The following DNAH8 variants were observed in gnomAD, a reference collection of about 807,000 sequenced individuals.
DNAH8 encodes the protein dynein axonemal heavy chain 8, also known as axonemal beta dynein heavy chain 8.
In DNAH8, 382 loss-of-function variants were observed where a neutral mutation model predicts 562.1. That is an observed-to-expected ratio of 0.68 (90% CI 0.63 to 0.74). DNAH8 has a LOEUF of 0.74. Ranked by LOEUF, DNAH8 falls within the 30% of genes least tolerant of loss-of-function variation. DNAH8 has a pLI of 0.00. For synonymous variants in DNAH8, 1,881 were observed against 1,919.4 expected (o/e 0.98, Z 0.52); for missense variants, 5,203 against 5,620.4 (o/e 0.93, Z 2.37).
Position 38,938,077 on chromosome 6 carries a change from C to G in DNAH8, c.11667C>G (p.Ile3889Met). The stretch of plus-strand genomic sequence containing the variant: ...TGCATGTGGCTGCAGAAACTGAGAT[C>G]AAGATCAACGCGGCTCAGGAGGAGT... ...EKLHVAAETE[I>M]KINAAQEEFR... The change falls in exon 78 of 93, where the codon ATC becomes ATG. Residue 3889 changes from isoleucine (I) to methionine (M), a missense_variant. This residue lies in a region of DNAH8 where 1,399 missense variants were observed against 1,518.4 expected (regional missense o/e 0.92). Coordinates refer to ENST00000327475, the MANE Select transcript of DNAH8 (RefSeq NM_001206927.2). The G allele has an allele frequency of 6.2e-7, 1 of 1,614,018 alleles. No homozygotes were observed. The highest frequency in any genetic ancestry group is 8.5e-7 in the Non-Finnish European group (1 of 1,180,012).
At chr6:38,940,077 C>T (rs977284924) in intron 79 of DNAH8, among the ~76,000 whole-genome samples, 2 of 152,084 alleles carry the variant, frequency 1.3e-5, no homozygotes, top group Non-Finnish European at 2.9e-5. Context: ...TGGGAAGAAA[C>T]AGGGAGTTGT....
intron 88 of DNAH8, among the ~76,000 whole-genome samples, chr6:38,994,220 G>A (rs776784007): frequency 4.6e-5 from 7 of 152,032 alleles, no homozygotes; most frequent in Non-Finnish European, 1.0e-4. Context: ...CCTTTCCAAT[G>A]GAGTTTTTAT....
intron 8 of DNAH8, among the ~76,000 whole-genome samples, chr6:38,742,450 C>T (rs1171582436): frequency 6.6e-6 from 1 of 151,798 alleles, no homozygotes; most frequent in Non-Finnish European, 1.5e-5. Flanking sequence ...AGGCATGCCC[C>T]ACCACCACGC....
At chr6:39,015,623 C>A (rs1297849291) in intron 91 of DNAH8, among the ~76,000 whole-genome samples, 1 of 152,200 alleles carries the variant, frequency 6.6e-6, no homozygotes, top group Non-Finnish European at 1.5e-5. Flanking sequence ...GAGGCATCCC[C>A]AGCCATGCAG....
intron 1 of DNAH8, among the ~76,000 whole-genome samples, chr6:38,715,954 A>ATTTTTTTTTTTTT (rs1410399802): frequency 8.0e-5 from 3 of 37,522 alleles, no homozygotes; most frequent in African/African-American, 3.4e-4. Context: ...ATATATATAT[A>ATTTTTTTTTTTTT]TATATATTTT....
Position 38,968,050 on chromosome 6 carries a change from A to G in DNAH8, c.12452-3542A>G, listed in dbSNP as rs1002556459. On this transcript the variant is annotated intron_variant, in intron 82 of 92. Coordinates refer to ENST00000327475, the MANE Select transcript of DNAH8 (RefSeq NM_001206927.2). The stretch of plus-strand genomic sequence containing the variant: ...CTAAGACCATGCAATGTTGGAAAAG[A>G]CAATCTTCTTAACAAATGGTGCTGG... Among the ~76,000 whole-genome samples the G allele has an allele frequency of 2.0e-5, 3 of 152,186 alleles. No homozygotes were observed. In the South Asian group the frequency reaches 6.2e-4, roughly 32 times the overall value.
chr6:39,016,610 T>A (rs12196045), intron 91 of DNAH8, among the ~76,000 whole-genome samples: 5 of 151,408 alleles, frequency 3.3e-5, no homozygotes, highest in Non-Finnish European at 7.4e-5. Context: ...GCAGTTTGTA[T>A]AAAGGCTGTA....
intron 10 of DNAH8, 80 bp downstream of exon 10, chr6:38,756,159 A>G (rs1224431358): frequency 3.4e-6 from 3 of 887,710 alleles, no homozygotes; most frequent in Non-Finnish European, 5.7e-6. Flanking sequence ...TAGGAAGGGA[A>G]TTTGGAAGCC....
chr6:38,971,408 G>T (rs949046314), intron 82 of DNAH8, among the ~76,000 whole-genome samples, 184 bp from the exon 83 acceptor site: 3 of 150,586 alleles, frequency 2.0e-5, no homozygotes, highest in Non-Finnish European at 4.4e-5. Context: ...GTGCCTCCAG[G>T]TCTCTGCTCC....
At chr6:38,988,383 A>C (rs1764548960) in intron 87 of DNAH8, among the ~76,000 whole-genome samples, 1 of 152,306 alleles carries the variant, frequency 6.6e-6, no homozygotes, top group East Asian at 1.9e-4. Flanking sequence ...TTATACATAC[A>C]TGTCATCTGA....
intron 4 of DNAH8, among the ~76,000 whole-genome samples, chr6:38,732,927 T>A (rs1277520120): frequency 6.6e-6 from 1 of 152,118 alleles, no homozygotes; most frequent in Non-Finnish European, 1.5e-5. Flanking sequence ...CTCACTAGGT[T>A]GCCCAGGCTG....
chr6:38,983,541 C>T (rs9394561), intron 86 of DNAH8, among the ~76,000 whole-genome samples: 37,063 of 152,006 alleles, frequency 0.24, 5,577 homozygotes, highest in Non-Finnish European at 0.34. Context: ...GAAAGGCAAC[C>T]AAGCTGAAAA....
chr6:38,970,232 C>T (rs1763243150), intron 82 of DNAH8, among the ~76,000 whole-genome samples: 1 of 152,182 alleles, frequency 6.6e-6, no homozygotes, highest in African/African-American at 2.4e-5. Context: ...CCTCATTGAT[C>T]TATTGAACAT....
At chr6:38,770,041 G>T (rs879201789) in intron 11 of DNAH8, among the ~76,000 whole-genome samples, 6 of 152,298 alleles carry the variant, frequency 3.9e-5, no homozygotes, top group Admixed American at 3.9e-4. Context: ...ATTGTCAGAT[G>T]ATAGCTTCGT....
intron 32 of DNAH8, among the ~76,000 whole-genome samples, chr6:38,834,935 A>G (rs1287875607): frequency 1.3e-5 from 2 of 152,218 alleles, no homozygotes; most frequent in Non-Finnish European, 2.9e-5. Flanking sequence ...AAATCATAGT[A>G]TAGTAAAATT....
At chr6:38,791,221 T>G (rs1475713769) in intron 20 of DNAH8, among the ~76,000 whole-genome samples, 1 of 152,226 alleles carries the variant, frequency 6.6e-6, no homozygotes, top group African/African-American at 2.4e-5. Flanking sequence ...TGTTACTAGC[T>G]ATGTGTTCCT....
At chr6:38,772,425 G>A (rs921762424) in intron 12 of DNAH8, among the ~76,000 whole-genome samples, 2 of 152,096 alleles carry the variant, frequency 1.3e-5, no homozygotes, top group African/African-American at 4.8e-5. Context: ...TCTCATTGAA[G>A]TTTTGATTTG....
Position 38,770,357 on chromosome 6 carries a change from GA to G in DNAH8, c.1618-55del. Reference sequence around the variant, plus strand: ...GTGAGGGTAGAGTTTTTGAATTTTCGATTCCTGAACAAATGTCTCACTTTCT... The same window carrying G: ...GTGAGGGTAGAGTTTTTGAATTTTCGTTCCTGAACAAATGTCTCACTTTCT... On this transcript the variant is annotated intron_variant, in intron 11 of 92. Transcript: ENST00000327475. 3.2e-6 allele frequency: 4 copies of G among 1,233,176 alleles called. 1 individual carries two copies. Among genetic ancestry groups the G allele is most frequent in the Middle Eastern group, 5.6e-4 (2 of 3,540 alleles). 76.4% of individuals were successfully genotyped at this position (1,233,176 alleles called of 1,614,324 possible). A position where few individuals can be genotyped will look rare whatever the true frequency, so the allele number is the denominator to read the frequency against.
chr6:38,811,245 A>G (rs1771768549), intron 24 of DNAH8, among the ~76,000 whole-genome samples: 1 of 152,210 alleles, frequency 6.6e-6, no homozygotes, highest in Non-Finnish European at 1.5e-5. Flanking sequence ...TGTTGGGTAG[A>G]ATGACCACAT....
Sources: gnomAD v4.1 joint callset for allele counts (sites outside exome capture counted in the v4.1 genomes callset) on GRCh38, gnomAD v4.1.1 for gene constraint, gnomAD v4.1.1 regional missense constraint, MANE v1.5 for transcripts, NCBI Gene and HGNC (gene_info 2026-07-23, HGNC 2026-07-21) for gene names.